The following PIK3CD variants were observed in gnomAD, a reference collection of about 807,000 sequenced individuals.
PIK3CD encodes the protein phosphatidylinositol-4,5-bisphosphate 3-kinase catalytic subunit delta.
PIK3CD carries 20 observed loss-of-function variants against 122.9 expected under a neutral mutation model. That is an observed-to-expected ratio of 0.16 (90% CI 0.11 to 0.24). The LOEUF is 0.24. PIK3CD is among the 10% of genes least tolerant of loss of function. PIK3CD has a pLI of 1.00. For missense variants in PIK3CD, 787 were observed against 1,406.3 expected (o/e 0.56, Z 7.04); for synonymous variants, 596 against 593.4 (o/e 1.00, Z -0.06).
intron 1 of PIK3CD, among the ~76,000 whole-genome samples, chr1:9,670,215 A>C (rs575093517): frequency 2.0e-5 from 3 of 151,936 alleles, no homozygotes; most frequent in African/African-American, 7.2e-5. Context: ...GTACTCCCAG[A>C]CCACAACTTC....
In PIK3CD at chr1:9,698,150, C is replaced by CT. The variant is rs963081988; in HGVS notation, c.-33+6588dup. Among the ~76,000 whole-genome samples the CT allele has an allele frequency of 2.7e-4, 41 of 151,430 alleles. 1 individual carries two copies. In the South Asian group the frequency reaches 3.4e-3, roughly 12 times the overall value. On this transcript the variant is annotated intron_variant, in intron 2 of 23. Coordinates refer to ENST00000377346, the MANE Select transcript of PIK3CD (RefSeq NM_005026.5). ...TTCATAACATTTCATTTTTTCTATG[C>CT]TTTTTTTTTGAGACGGAGTTTCGCT...
chr1:9,653,780 C>G (rs759136531), intron 1 of PIK3CD: 2 of 1,364,870 alleles, frequency 1.5e-6, no homozygotes, highest in South Asian at 2.3e-5. Flanking sequence ...GCTGGAGTTT[C>G]ATTTCTTGAT....
At chr1:9,651,882 CG>C in intron 1 of PIK3CD, 80 bp downstream of exon 1, 1 of 152,216 alleles carries the variant, frequency 6.6e-6, no homozygotes, top group African/African-American at 2.4e-5. Context: ...CGGCTGCGCT[CG>C]GGGGCGCGGG....
Position 9,727,828 on chromosome 1 carries a change from G to A in PIK3CD, c.*782G>A. The A allele has an allele frequency of 5.6e-6, 1 of 178,508 alleles. No homozygotes were observed. Among genetic ancestry groups the A allele is most frequent in the Non-Finnish European group, 1.2e-5 (1 of 85,386 alleles). 11.1% of individuals were successfully genotyped at this position (178,508 alleles called of 1,614,324 possible). A position where few individuals can be genotyped will look rare whatever the true frequency, so the allele number is the denominator to read the frequency against. ...AAAATCTTTTTTTTTTTTTTGAGAT[G>A]GGGTCTTCCTCTGTTGCCCAGGCTG... On this transcript the variant is annotated 3_prime_UTR_variant, in exon 24 of 24. Transcript: ENST00000377346.
intron 1 of PIK3CD, among the ~76,000 whole-genome samples, chr1:9,675,953 C>T (rs552479924): frequency 1.1e-4 from 15 of 132,174 alleles, no homozygotes; most frequent in African/African-American, 4.2e-4. Flanking sequence ...TTTTTTGAGA[C>T]GAAGTCTTGC....
the PIK3CD span, among the ~76,000 whole-genome samples, chr1:9,642,533 T>C: frequency 0.42 from 61,963 of 148,338 alleles, 18,118 homozygotes; most frequent in East Asian, 0.79. Flanking sequence ...CTGGCTAACA[T>C]GGTGAAACCC....
In PIK3CD at chr1:9,724,180, G is replaced by A. The variant is rs945471125; in HGVS notation, c.2718+88G>A. 12 of 1,613,430 alleles carry A rather than the reference G, an allele frequency of 7.4e-6. No individual in the cohort carries two copies. The East Asian group carries it at 8.9e-5, about 12-fold the overall frequency. On this transcript the variant is annotated intron_variant, in intron 21 of 23. Transcript: ENST00000377346. The surrounding 1 kb of genome is among the most constrained non-coding windows in gnomAD (Gnocchi z 7.3). The stretch of plus-strand genomic sequence containing the variant: ...CCTCTGCCTAGCACACAGCTCTGTG[G>A]CAGGGGTCCCCCAGCCCTGCTGGCT...
chr1:9,666,690 C>A (rs1410846269), intron 1 of PIK3CD, among the ~76,000 whole-genome samples: 2 of 152,024 alleles, frequency 1.3e-5, no homozygotes, highest in Non-Finnish European at 2.9e-5. Context: ...CTACAAAATT[C>A]TTTTTTAATT....
chr1:9,692,171 G>T (rs1242389928), intron 2 of PIK3CD, among the ~76,000 whole-genome samples: 1 of 152,174 alleles, frequency 6.6e-6, no homozygotes, highest in Admixed American at 6.5e-5. Context: ...CCATCTGGGG[G>T]CCTGGAATAG....
chr1:9,675,618 A>G (rs1645502586), intron 1 of PIK3CD, among the ~76,000 whole-genome samples: 1 of 151,876 alleles, frequency 6.6e-6, no homozygotes, highest in African/African-American at 2.4e-5. Flanking sequence ...CCCAGGGAGG[A>G]GGACTCAGGA....
chr1:9,683,445 A>T (rs866710625), intron 1 of PIK3CD, among the ~76,000 whole-genome samples: 3 of 139,348 alleles, frequency 2.2e-5, no homozygotes, highest in South Asian at 2.5e-4. Flanking sequence ...CTCAAAAAAA[A>T]AAAATAAAAA....
At chr1:9,671,104 G>A (rs1465930284) in intron 1 of PIK3CD, among the ~76,000 whole-genome samples, 1 of 149,726 alleles carries the variant, frequency 6.7e-6, no homozygotes, top group Admixed American at 6.7e-5. Flanking sequence ...CTGTCCAGGG[G>A]CTGGTCTTTT....
chr1:9,680,018 T>C (rs1645689860), intron 1 of PIK3CD, among the ~76,000 whole-genome samples: 2 of 152,032 alleles, frequency 1.3e-5, no homozygotes, highest in Non-Finnish European at 2.9e-5. Flanking sequence ...AGAGATGGGG[T>C]TTCACCATGT....
At chr1:9,651,676 G>C (rs556134827), upstream of PIK3CD, 13 of 151,940 alleles carry the variant, frequency 8.6e-5, no homozygotes, top group South Asian at 2.3e-3. Context: ...TGGAGTGTGC[G>C]GGTTGGCGGC....
chr1:9,662,792 A>C (rs1420975910), intron 1 of PIK3CD, among the ~76,000 whole-genome samples: 1 of 151,782 alleles, frequency 6.6e-6, no homozygotes, highest in Non-Finnish European at 1.5e-5. Flanking sequence ...GCGTCCTAGC[A>C]ATTCTCCTGT....
intron 1 of PIK3CD, among the ~76,000 whole-genome samples, chr1:9,690,070 G>A (rs1195796609): frequency 6.6e-6 from 1 of 152,190 alleles, no homozygotes; most frequent in African/African-American, 2.4e-5. Context: ...CCTGTTCGGG[G>A]CAGGCTGTTT....
chr1:9,654,496 G>C (rs2100724255), intron 1 of PIK3CD: 4 of 444,958 alleles, frequency 9.0e-6, no homozygotes, highest in Non-Finnish European at 1.1e-5. Flanking sequence ...AAGCCAGCCC[G>C]CTTTCGCACA....
chr1:9,666,282 C>T (rs1420710068), intron 1 of PIK3CD, among the ~76,000 whole-genome samples: 2 of 129,650 alleles, frequency 1.5e-5, no homozygotes, highest in African/African-American at 6.1e-5. Flanking sequence ...ACTCTGTCAC[C>T]GAGGCTGGAG....
the PIK3CD span, among the ~76,000 whole-genome samples, chr1:9,639,942 A>G: frequency 6.6e-6 from 1 of 151,638 alleles, no homozygotes; most frequent in Non-Finnish European, 1.5e-5. Flanking sequence ...AGGGCTCACT[A>G]TGTTTCCTAG....
Sources: allele counts gnomAD v4.1 joint callset (sites outside exome capture counted in the v4.1 genomes callset), GRCh38; gene constraint gnomAD v4.1.1; non-coding constraint Gnocchi (gnomAD v3.1); transcripts MANE v1.5; gene names NCBI Gene and HGNC (gene_info 2026-07-23, HGNC 2026-07-21).